Variants in DCAF8L2 observed in about 807,000 individuals in gnomAD.
The protein encoded by DCAF8L2 is DDB1 and CUL4 associated factor 8 like 2.
For synonymous variants in DCAF8L2, 200 were observed against 190.9 expected (o/e 1.05, Z -0.39); for missense variants, 430 against 490.7 (o/e 0.88, Z 1.17).
At chrX:27,653,129 G>A (rs1054862153) in intron 2 of DCAF8L2, among the ~76,000 whole-genome samples, 1 of 111,960 alleles carries the variant, frequency 8.9e-6, no homozygotes, top group Non-Finnish European at 1.9e-5. Context: ...TGCGTGGAAT[G>A]GTGAGGAAGG....
At chrX:27,599,310 A>G (rs751461293) in intron 1 of DCAF8L2, among the ~76,000 whole-genome samples, 2 of 111,588 alleles carry the variant, frequency 1.8e-5, no homozygotes, top group East Asian at 5.6e-4. Context: ...TGAGGTATCT[A>G]TCTGGAGGAG....
At chrX:27,605,287 T>C (rs776758329) in intron 1 of DCAF8L2, among the ~76,000 whole-genome samples, 34 of 111,836 alleles carry the variant, frequency 3.0e-4, no homozygotes, top group Non-Finnish European at 6.2e-4. Context: ...CAATATGCAA[T>C]AATATTGTAT....
chrX:27,476,737 G>A, the DCAF8L2 span, among the ~76,000 whole-genome samples: 2 of 111,810 alleles, frequency 1.8e-5, no homozygotes. Flanking sequence ...AGGCTAAAAG[G>A]GGAGTTATCA....
At chrX:27,545,017 A>G in the DCAF8L2 span, among the ~76,000 whole-genome samples, 67 of 112,388 alleles carry the variant, frequency 6.0e-4, 1 homozygote, top group South Asian at 0.023. Context: ...TTAGCAGTTT[A>G]AAATCTCTGT....
chrX:27,496,491 T>C, the DCAF8L2 span, among the ~76,000 whole-genome samples: 5 of 111,812 alleles, frequency 4.5e-5, no homozygotes, highest in Non-Finnish European at 7.5e-5. Flanking sequence ...ATACAGGGAA[T>C]TCATGTCATA....
the DCAF8L2 span, among the ~76,000 whole-genome samples, chrX:27,541,479 C>T: frequency 5.6e-5 from 6 of 107,975 alleles, no homozygotes; most frequent in Non-Finnish European, 1.1e-4. Flanking sequence ...AAGCCATCCT[C>T]CTGCCTCAGC....
chrX:27,733,293 C>T (rs989457377), intron 4 of DCAF8L2, among the ~76,000 whole-genome samples: 5 of 111,808 alleles, frequency 4.5e-5, no homozygotes, highest in Non-Finnish European at 9.4e-5. Flanking sequence ...TGATATTGAG[C>T]ACTTTTGATA....
intron 2 of DCAF8L2, among the ~76,000 whole-genome samples, chrX:27,652,053 A>G (rs1296385822): frequency 9.1e-6 from 1 of 110,196 alleles, no homozygotes; most frequent in African/African-American, 3.3e-5. Flanking sequence ...TAATATTAAT[A>G]TTAATTTATA....
rs1021381172 is a variant in DCAF8L2 at position 27,689,330 on chromosome X, C to T, written c.-143+11418C>T. On this transcript the variant is annotated intron_variant, in intron 3 of 4. Coordinates refer to ENST00000451261, the MANE Select transcript of DCAF8L2 (RefSeq NM_001353450.2). ...ATGATCTTGGCTCACTGCCAACCTC[C>T]GCCTCCCAGGTTCAAGTGATTCTCC... 4.5e-5 allele frequency among the ~76,000 whole-genome samples: 5 copies of T among 112,218 alleles called. No homozygotes were observed. The East Asian group carries it at 1.1e-3, about 25-fold the overall frequency.
chrX:27,513,688 A>T, the DCAF8L2 span, among the ~76,000 whole-genome samples: 1,522 of 97,018 alleles, frequency 0.016, 13 homozygotes, highest in Non-Finnish European at 0.024. Flanking sequence ...CTGGTGACAG[A>T]GCAAGACTCA....
the DCAF8L2 span, among the ~76,000 whole-genome samples, chrX:27,530,756 G>GCA: frequency 1.8e-5 from 2 of 111,945 alleles, no homozygotes; most frequent in Non-Finnish European, 3.8e-5. Context: ...CTCACTCATT[G>GCA]AATTGAGGTA....
chrX:27,504,020 T>C, the DCAF8L2 span, among the ~76,000 whole-genome samples: 1 of 112,531 alleles, frequency 8.9e-6, no homozygotes, highest in Non-Finnish European at 1.9e-5. Context: ...TGATGGTGCT[T>C]ATAAATTTGA....
intron 3 of DCAF8L2, among the ~76,000 whole-genome samples, chrX:27,694,453 A>G (rs920220992): frequency 4.5e-5 from 5 of 111,404 alleles, no homozygotes; most frequent in African/African-American, 1.6e-4. Flanking sequence ...TAAAAATATT[A>G]ACATTTCTAT....
chrX:27,589,339 G>A (rs1264303945), upstream of DCAF8L2, among the ~76,000 whole-genome samples: 2 of 112,038 alleles, frequency 1.8e-5, no homozygotes, highest in Non-Finnish European at 3.8e-5. Flanking sequence ...ATGTTTTGTG[G>A]ATATGGGAAG....
the DCAF8L2 span, among the ~76,000 whole-genome samples, chrX:27,535,102 A>G: frequency 3.6e-5 from 4 of 111,565 alleles, no homozygotes; most frequent in East Asian, 1.1e-3. Flanking sequence ...ACAAATATTT[A>G]TTTTCTATGT....
At chrX:27,649,685 G>A (rs993191025) in intron 2 of DCAF8L2, among the ~76,000 whole-genome samples, 12 of 111,385 alleles carry the variant, frequency 1.1e-4, no homozygotes, top group African/African-American at 3.9e-4. Flanking sequence ...AGTTCCTAAT[G>A]GATTCTTAAT....
intron 4 of DCAF8L2, among the ~76,000 whole-genome samples, chrX:27,736,262 A>G (rs1299600047): frequency 9.0e-6 from 1 of 111,676 alleles, no homozygotes; most frequent in African/African-American, 3.3e-5. Flanking sequence ...CCGGCAGTCA[A>G]CAATGAATTC....
At chrX:27,625,929 G>A (rs777669643) in intron 1 of DCAF8L2, among the ~76,000 whole-genome samples, 129 of 111,148 alleles carry the variant, frequency 1.2e-3, no homozygotes, top group Non-Finnish European at 2.2e-3. Context: ...TACCAGGGTG[G>A]CAAAATAATC....
At chrX:27,471,851 T>C in the DCAF8L2 span, among the ~76,000 whole-genome samples, 2 of 111,957 alleles carry the variant, frequency 1.8e-5, no homozygotes, top group Non-Finnish European at 1.9e-5. Context: ...CTATTATGAA[T>C]GAATGCATCA....
Sources: gnomAD v4.1 joint callset for allele counts (sites outside exome capture counted in the v4.1 genomes callset) on GRCh38, gnomAD v4.1.1 for gene constraint, MANE v1.5 for transcripts, NCBI Gene and HGNC (gene_info 2026-07-23, HGNC 2026-07-21) for gene names.